SLC16A2: variants seen among roughly 807,000 people sequenced by gnomAD.
SLC16A2 encodes the protein solute carrier family 16 member 2.
SLC16A2 carries 3 observed loss-of-function variants against 27.2 expected under a neutral mutation model. The observed-to-expected ratio is 0.11, with a 90% CI of 0.05 to 0.28. SLC16A2 has a LOEUF of 0.28. Ranked by LOEUF, SLC16A2 falls within the 10% of genes least tolerant of loss-of-function variation. The probability of loss-of-function intolerance (pLI) is 1.00; values close to 1 mark genes in which losing one functional copy is unlikely to be tolerated. For missense variants in SLC16A2, 295 were observed against 458.5 expected (o/e 0.64, Z 3.26); for synonymous variants, 202 against 187.8 (o/e 1.08, Z -0.62).
At chrX:74,473,923 C>T (rs1929410950) in intron 1 of SLC16A2, 6 of 415,903 alleles carry the variant, frequency 1.4e-5, no homozygotes, top group South Asian at 8.3e-5. Flanking sequence ...CTCAGCTGTT[C>T]GGGCCCTTTA....
chrX:74,484,479 C>G (rs1929680575), intron 1 of SLC16A2, among the ~76,000 whole-genome samples: 1 of 111,921 alleles, frequency 8.9e-6, no homozygotes, highest in African/African-American at 3.2e-5. Flanking sequence ...AAGCTTTTAG[C>G]TAGCAGGCTT....
At chrX:74,483,395 G>T (rs937250193) in intron 1 of SLC16A2, among the ~76,000 whole-genome samples, 2 of 111,361 alleles carry the variant, frequency 1.8e-5, no homozygotes, top group Admixed American at 9.5e-5. Flanking sequence ...ACCCTAAAAG[G>T]GTTCTTCTTA....
At chrX:74,456,814 A>G (rs1929048737) in intron 1 of SLC16A2, among the ~76,000 whole-genome samples, 1 of 111,566 alleles carries the variant, frequency 9.0e-6, no homozygotes, top group Non-Finnish European at 1.9e-5. Flanking sequence ...TGTCCGGTAA[A>G]TTTCTAGAAT....
At chrX:74,468,722 TG>T (rs1248085119) in intron 1 of SLC16A2, among the ~76,000 whole-genome samples, 1 of 112,246 alleles carries the variant, frequency 8.9e-6, no homozygotes, top group Non-Finnish European at 1.9e-5. Flanking sequence ...GCACTATTTA[TG>T]GGGTACATGT....
At chrX:74,461,898 G>A (rs1260569421) in intron 1 of SLC16A2, among the ~76,000 whole-genome samples, 1 of 111,446 alleles carries the variant, frequency 9.0e-6, no homozygotes, top group Non-Finnish European at 1.9e-5. Context: ...GAGAGGCCAG[G>A]ATGCTTTGTC....
chrX:74,421,656 G>T lies in SLC16A2; in HGVS notation c.19G>T (p.Ala7Ser). MALQSQ[A>S]SEEAKGPWQE... ...CGCCGCGATGGCGCTGCAAAGCCAGGCGAGCGAGGAAGCAAAGGGGCCCTG... is the reference window on the plus strand; with the variant it reads ...CGCCGCGATGGCGCTGCAAAGCCAGTCGAGCGAGGAAGCAAAGGGGCCCTG... Residue 7 changes from alanine to serine, a missense_variant, in exon 1 of 6, where the codon GCG (alanine) becomes TCG (serine). Transcript: ENST00000587091. 1 of 1,204,351 alleles carries T rather than the reference G, an allele frequency of 8.3e-7. No individual in the cohort carries two copies.
intron 1 of SLC16A2, among the ~76,000 whole-genome samples, chrX:74,468,671 A>T (rs920035086): frequency 8.9e-5 from 10 of 112,018 alleles, no homozygotes; most frequent in East Asian, 5.6e-4. Context: ...GTACAATTTT[A>T]AAAAAATATT....
intron 1 of SLC16A2, among the ~76,000 whole-genome samples, chrX:74,447,786 C>G (rs1019981684): frequency 9.1e-6 from 1 of 110,482 alleles, no homozygotes; most frequent in Non-Finnish European, 1.9e-5. Flanking sequence ...CAAGAACACC[C>G]TAGTCAACAG....
At chrX:74,527,602 A>G (rs1930503572) in intron 4 of SLC16A2, among the ~76,000 whole-genome samples, 1 of 112,485 alleles carries the variant, frequency 8.9e-6, no homozygotes, top group Non-Finnish European at 1.9e-5. Flanking sequence ...AGGCTGCAGG[A>G]CAGCCTCACT....
chrX:74,528,885 C>A (rs1013028543), intron 4 of SLC16A2, among the ~76,000 whole-genome samples: 3 of 112,080 alleles, frequency 2.7e-5, no homozygotes, highest in African/African-American at 9.8e-5. Context: ...CAAATACAGG[C>A]TCAGAAAGCA....
At chrX:74,494,450 C>T (rs745310931) in intron 1 of SLC16A2, among the ~76,000 whole-genome samples, 2 of 111,303 alleles carry the variant, frequency 1.8e-5, no homozygotes, top group Non-Finnish European at 3.8e-5. Flanking sequence ...ACTACAGTGT[C>T]GTTATAACAC....
chrX:74,491,413 A>G (rs1442636298), intron 1 of SLC16A2, among the ~76,000 whole-genome samples: 2 of 112,337 alleles, frequency 1.8e-5, no homozygotes, highest in Non-Finnish European at 3.8e-5. Flanking sequence ...TAGAAAGGAA[A>G]TGTTTGGGCT....
At chrX:74,503,953 A>G (rs1051881832) in intron 1 of SLC16A2, among the ~76,000 whole-genome samples, 2 of 112,131 alleles carry the variant, frequency 1.8e-5, no homozygotes, top group Admixed American at 1.9e-4. Flanking sequence ...TAAATGAAAT[A>G]GCATAGCTAA....
At chrX:74,460,112 G>A (rs1271916737) in intron 1 of SLC16A2, among the ~76,000 whole-genome samples, 1 of 111,929 alleles carries the variant, frequency 8.9e-6, no homozygotes, top group African/African-American at 3.2e-5. Flanking sequence ...AGCTAAAGAT[G>A]GAGTTCTGTG....
chrX:74,519,648 G>A (rs1032737502), intron 1 of SLC16A2, among the ~76,000 whole-genome samples: 3 of 97,655 alleles, frequency 3.1e-5, no homozygotes, highest in East Asian at 3.2e-4. Flanking sequence ...CCCAGGAGGC[G>A]GAGCTTGCAG....
intron 1 of SLC16A2, among the ~76,000 whole-genome samples, chrX:74,479,210 T>C (rs1367933194): frequency 8.9e-6 from 1 of 111,799 alleles, no homozygotes; most frequent in Non-Finnish European, 1.9e-5. Context: ...TCTAAACTTT[T>C]CTTCTCGCTT....
chrX:74,505,996 T>C (rs1281427684), intron 1 of SLC16A2, among the ~76,000 whole-genome samples: 1 of 112,369 alleles, frequency 8.9e-6, no homozygotes, highest in Non-Finnish European at 1.9e-5. Context: ...GTCTGACTCC[T>C]GCTGCTTCTT....
At chrX:74,502,119 T>C (rs1411011704) in intron 1 of SLC16A2, among the ~76,000 whole-genome samples, 1 of 111,984 alleles carries the variant, frequency 8.9e-6, no homozygotes, top group Admixed American at 9.5e-5. Context: ...GCTCTGGTAC[T>C]AACAGATTTG....
In SLC16A2 at chrX:74,470,937, C is replaced by CA. The variant is rs772331438; in HGVS notation, c.430+48882dup. On this transcript the variant is annotated intron_variant, in intron 1 of 5. Coordinates refer to ENST00000587091, the MANE Select transcript of SLC16A2 (RefSeq NM_006517.5). ...TGGGCTACAGAGCGAGACTCCGTCT[C>CA]AAAAAAAAAAAATCAAGTTATTTAT... Among the ~76,000 whole-genome samples, 52 of 98,551 alleles carry CA rather than the reference C, an allele frequency of 5.3e-4. No homozygotes were observed. In the South Asian group the frequency reaches 7.4e-3, roughly 14 times the overall value. 85.6% of individuals were successfully genotyped at this position (98,551 alleles called of 115,157 possible).
Sources: gnomAD v4.1 joint callset for allele counts (sites outside exome capture counted in the v4.1 genomes callset) on GRCh38, gnomAD v4.1.1 for gene constraint, MANE v1.5 for transcripts, NCBI Gene and HGNC (gene_info 2026-07-23, HGNC 2026-07-21) for gene names.